Variants in CCNJL observed in about 807,000 individuals in gnomAD.
CCNJL encodes the protein cyclin J like.
CCNJL carries 33 observed loss-of-function variants against 33.4 expected under a neutral mutation model. That is an observed-to-expected ratio of 0.99 (90% CI 0.75 to 1.32). The LOEUF (loss-of-function observed/expected upper bound fraction) is 1.32, where lower values mean the gene tolerates loss of function less well. CCNJL is among the 40% of genes most tolerant of loss of function. The pLI is 0.00. For synonymous variants in CCNJL, 227 were observed against 220.9 expected (o/e 1.03, Z -0.24); for missense variants, 512 against 499.7 (o/e 1.02, Z -0.23).
At position 160,302,111 on chromosome 5, in the gene CCNJL, T is replaced by TA. The variant is rs1450245376; in HGVS notation, c.66+9746dup. ...GTACACTATAAACGGTATATTCACT[T>TA]AAGATCTGTATATTGTACTGTATAT... is the stretch of plus-strand genomic sequence containing the variant. On this transcript the variant is annotated intron_variant, in intron 2 of 5. Coordinates refer to ENST00000257536, the MANE Select transcript of CCNJL (RefSeq NM_001308173.3). Among the ~76,000 whole-genome samples the TA allele has an allele frequency of 1.2e-4, 19 of 152,330 alleles. No homozygotes were observed. In the East Asian group the frequency reaches 3.7e-3, roughly 29 times the overall value.
intron 2 of CCNJL, among the ~76,000 whole-genome samples, chr5:160,302,560 C>A (rs1417928263): frequency 6.6e-6 from 1 of 151,988 alleles, no homozygotes; most frequent in Non-Finnish European, 1.5e-5. Flanking sequence ...TCCTATAATC[C>A]CAGCATTTTG....
At chr5:160,274,648 G>A (rs1390278948) in intron 3 of CCNJL, among the ~76,000 whole-genome samples, 2 of 152,216 alleles carry the variant, frequency 1.3e-5, no homozygotes, top group African/African-American at 4.8e-5. Context: ...TAGGGAGGAG[G>A]ACAGGGGCCA....
At chr5:160,257,100 G>C (rs1297583026) in intron 4 of CCNJL, among the ~76,000 whole-genome samples, 2 of 152,026 alleles carry the variant, frequency 1.3e-5, no homozygotes, top group Non-Finnish European at 2.9e-5. Context: ...CTAGCAATGA[G>C]CAGGGCATGG....
chr5:160,253,543 C>G lies in CCNJL; in HGVS notation c.999G>C (p.Pro333=). 6 of 1,614,104 alleles carry G rather than the reference C, an allele frequency of 3.7e-6. No homozygotes were observed. Among genetic ancestry groups the G allele is most frequent in the Non-Finnish European group, 5.1e-6 (6 of 1,180,012 alleles). Residue 333 remains proline (P), a synonymous_variant, in exon 6 of 6, where the codon CCG becomes CCC. Coordinates refer to ENST00000257536, the MANE Select transcript of CCNJL (RefSeq NM_001308173.3). ...SGSTGSSLHT[P]YQPLQPLDMC... is the part of the protein sequence containing the mutation. ...TATCCAAGGGCTGCAGCGGTTGGTACGGGGTGTGGAGGGATGAGCCTGTAC... is the reference window on the plus strand; with the variant it reads ...TATCCAAGGGCTGCAGCGGTTGGTAGGGGGTGTGGAGGGATGAGCCTGTAC...
chr5:160,326,970 C>A (rs181015407), intron 1 of CCNJL: 2 of 588,952 alleles, frequency 3.4e-6, no homozygotes, highest in African/African-American at 1.9e-5. Context: ...GTTTCTCCAA[C>A]TAGAAATGAA....
At position 160,251,528 on chromosome 5, in the gene CCNJL, C is replaced by T. The variant is rs1760803175; in HGVS notation, c.*1850G>A. 6.6e-6 allele frequency: 1 copy of T among 152,312 alleles called. No individual in the cohort carries two copies. Among genetic ancestry groups the T allele is most frequent in the Non-Finnish European group, 1.5e-5 (1 of 68,104 alleles). 9.4% of individuals were successfully genotyped at this position (152,312 alleles called of 1,614,324 possible). A position where few individuals can be genotyped will look rare whatever the true frequency, so the allele number is the denominator to read the frequency against. ...CAGCTCCTACTCAGAGGGCAGGACT[C>T]AGCTCCCGAGGTCTTGCTGCTGCCC... On this transcript the variant is annotated 3_prime_UTR_variant, in exon 6 of 6. Coordinates refer to ENST00000257536, the MANE Select transcript of CCNJL (RefSeq NM_001308173.3).
chr5:160,297,414 G>A (rs964835939), intron 2 of CCNJL, among the ~76,000 whole-genome samples: 1 of 152,166 alleles, frequency 6.6e-6, no homozygotes, highest in African/African-American at 2.4e-5. Flanking sequence ...TAACTAGAAT[G>A]CTGAATCCCC....
intron 2 of CCNJL, among the ~76,000 whole-genome samples, chr5:160,311,017 C>A (rs1417846586): frequency 6.6e-6 from 1 of 152,190 alleles, no homozygotes; most frequent in African/African-American, 2.4e-5. Context: ...GGAAACCAAT[C>A]CATTCACTAC....
At chr5:160,293,927 T>C (rs1425782975) in intron 2 of CCNJL, among the ~76,000 whole-genome samples, 2 of 152,042 alleles carry the variant, frequency 1.3e-5, no homozygotes, top group Non-Finnish European at 2.9e-5. Context: ...GAGAAACCAC[T>C]CTGCTTTCCT....
intron 3 of CCNJL, chr5:160,269,334 C>T (rs956387261): frequency 3.1e-5 from 14 of 445,160 alleles, no homozygotes; most frequent in Admixed American, 1.2e-4. Context: ...ATTTGTCACC[C>T]GAATAGCTGG....
chr5:160,297,228 A>T (rs538168813), intron 2 of CCNJL, among the ~76,000 whole-genome samples: 1 of 152,206 alleles, frequency 6.6e-6, no homozygotes, highest in Non-Finnish European at 1.5e-5. Flanking sequence ...AGAGCCTCCC[A>T]CAGGTCTTGC....
At chr5:160,326,927 T>C in intron 1 of CCNJL, 1 of 646,080 alleles carries the variant, frequency 1.5e-6, no homozygotes, top group South Asian at 1.4e-5. Context: ...AGTCGGATCA[T>C]GCTAAAAGGA....
chr5:160,270,996 G>A (rs141324046), intron 3 of CCNJL, among the ~76,000 whole-genome samples: 2 of 152,306 alleles, frequency 1.3e-5, no homozygotes, highest in Non-Finnish European at 2.9e-5. Flanking sequence ...GACAAAGAGA[G>A]ACTTTTCCTG....
At chr5:160,312,107 C>A in intron 1 of CCNJL, 135 bp from the exon 2 acceptor site, 1 of 613,288 alleles carries the variant, frequency 1.6e-6, no homozygotes, top group South Asian at 2.0e-5. Flanking sequence ...AGCTGGAGGT[C>A]GCCTCTGGTC....
intron 5 of CCNJL, chr5:160,254,321 C>A: frequency 1.5e-6 from 1 of 670,642 alleles, no homozygotes; most frequent in Non-Finnish European, 2.7e-6. Flanking sequence ...TAGGATTTTT[C>A]ATCTGAAAAG....
At chr5:160,257,634 G>A (rs1374357116) in intron 4 of CCNJL, among the ~76,000 whole-genome samples, 2 of 151,272 alleles carry the variant, frequency 1.3e-5, no homozygotes, top group Middle Eastern at 3.2e-3. Context: ...GCAATATAGC[G>A]AGACCCCGTT....
chr5:160,272,564 C>T (rs945594910), intron 3 of CCNJL, among the ~76,000 whole-genome samples: 3 of 152,006 alleles, frequency 2.0e-5, no homozygotes, highest in Non-Finnish European at 2.9e-5. Flanking sequence ...GGTGAGGGGC[C>T]GGGATGGAGA....
At chr5:160,294,929 G>C (rs1762704868) in intron 2 of CCNJL, 2 of 152,366 alleles carry the variant, frequency 1.3e-5, no homozygotes, top group Admixed American at 6.5e-5. Context: ...CCGATTTCCA[G>C]ATTCCTTTTG....
chr5:160,290,530 A>G (rs1247432051), intron 2 of CCNJL, among the ~76,000 whole-genome samples: 1 of 152,152 alleles, frequency 6.6e-6, no homozygotes, highest in African/African-American at 2.4e-5. Context: ...GGCCTCCCAA[A>G]GTGCTGGGAT....
Sources: allele counts gnomAD v4.1 joint callset (sites outside exome capture counted in the v4.1 genomes callset), GRCh38; gene constraint gnomAD v4.1.1; transcripts MANE v1.5; gene names NCBI Gene and HGNC (gene_info 2026-07-23, HGNC 2026-07-21).